Variants in PKHD1 observed in about 807,000 individuals in gnomAD.
PKHD1 encodes fibrocystin.
Under a neutral mutation model 412.0 loss-of-function variants are expected in PKHD1, and 291 were observed. The ratio of observed to expected loss-of-function variants is 0.71; its 90% CI spans 0.64 to 0.78. PKHD1 has a LOEUF of 0.78. PKHD1 is among the 30% of genes least tolerant of loss of function. The pLI is 0.00. For synonymous variants in PKHD1, 1,777 were observed against 1,821.5 expected, an observed-to-expected ratio of 0.98 and a Z score of 0.62; for missense variants, 4,825 against 4,950.7, an observed-to-expected ratio of 0.97 and a Z score of 0.76.
At chr6:51,769,134 T>G (rs1789624693) in intron 55 of PKHD1, among the ~76,000 whole-genome samples, 1 of 151,504 alleles carries the variant, frequency 6.6e-6, no homozygotes, top group South Asian at 2.1e-4. Context: ...TTTCTCAGTT[T>G]TCTTTTTTGA....
At chr6:51,935,030 G>A (rs1320520127) in intron 36 of PKHD1, among the ~76,000 whole-genome samples, 1 of 152,158 alleles carries the variant, frequency 6.6e-6, no homozygotes, top group Non-Finnish European at 1.5e-5. Context: ...ATGCCCACCT[G>A]CCCATCTCCC....
chr6:51,638,444 G>A (rs1768873963), intron 64 of PKHD1, among the ~76,000 whole-genome samples: 1 of 152,038 alleles, frequency 6.6e-6, no homozygotes, highest in African/African-American at 2.4e-5. Flanking sequence ...ATGTTGATGG[G>A]TATTGTCCCC....
At chr6:51,662,399 T>C (rs1448440920) in intron 60 of PKHD1, among the ~76,000 whole-genome samples, 3 of 151,758 alleles carry the variant, frequency 2.0e-5, no homozygotes, top group African/African-American at 7.2e-5. Context: ...GATATATTAG[T>C]TTTCGCAATG....
At chr6:51,747,295 C>T (rs1435285515) in intron 58 of PKHD1, among the ~76,000 whole-genome samples, 2 of 152,196 alleles carry the variant, frequency 1.3e-5, no homozygotes, top group Non-Finnish European at 2.9e-5. Flanking sequence ...CCTCGTTGCT[C>T]AACCATCTAC....
In PKHD1 at chr6:51,937,289, T is replaced by C. The variant is rs578236716; in HGVS notation, c.5909-2967A>G. On this transcript the variant is annotated intron_variant, in intron 36 of 66. Coordinates refer to ENST00000371117, the MANE Select transcript of PKHD1 (RefSeq NM_138694.4). ...CCAATGTACATCTTATATGTATTGA[T>C]TGATGTCTTACCTCTCCCTAAAACA... Among the ~76,000 whole-genome samples, 377 of 152,328 alleles carry C rather than the reference T, an allele frequency of 2.5e-3. 4 individuals carry two copies. Among genetic ancestry groups the C allele is most frequent in the Non-Finnish European group, 2.3e-3 (157 of 68,028 alleles).
intron 24 of PKHD1, among the ~76,000 whole-genome samples, chr6:52,045,631 A>G (rs1805679734): frequency 6.6e-6 from 1 of 152,228 alleles, no homozygotes; most frequent in African/African-American, 2.4e-5. Context: ...CATTACCCAA[A>G]GACAGCAAAT....
rs1160793746 is a variant in PKHD1 at position 51,791,382 on chromosome 6, GA to G, written c.8303-10del. The G allele has an allele frequency of 1.2e-6, 2 of 1,612,954 alleles. No individual in the cohort carries two copies. The highest frequency in any genetic ancestry group is 8.5e-7 in the Non-Finnish European group (1 of 1,179,180). On this transcript the variant is annotated splice_polypyrimidine_tract_variant and intron_variant, in intron 52 of 66. Transcript: ENST00000371117. ...CACAAGGACAGTTCTGTCTGTGGAA[GA>G]AAAAGAAATTGCTCAGATATGTCAC...
At chr6:51,758,040 G>GAGAC (rs1554222883) in intron 55 of PKHD1, among the ~76,000 whole-genome samples, 65 of 150,436 alleles carry the variant, frequency 4.3e-4, no homozygotes, top group Admixed American at 1.4e-3. Context: ...GAGAGAGAGA[G>GAGAC]AGAGAGAGAG....
intron 60 of PKHD1, among the ~76,000 whole-genome samples, chr6:51,665,513 T>C (rs559925446): frequency 2.6e-5 from 4 of 152,272 alleles, no homozygotes; most frequent in African/African-American, 9.6e-5. Flanking sequence ...CAAGCCTATT[T>C]CAGCAAGAAT....
At chr6:51,836,026 G>T (rs1324472371) in intron 51 of PKHD1, among the ~76,000 whole-genome samples, 2 of 152,116 alleles carry the variant, frequency 1.3e-5, no homozygotes, top group Non-Finnish European at 2.9e-5. Context: ...TGTTTACCCT[G>T]ATTTCCTGAA....
chr6:51,793,861 T>C (rs975067679), intron 52 of PKHD1, among the ~76,000 whole-genome samples: 10 of 152,302 alleles, frequency 6.6e-5, no homozygotes, highest in African/African-American at 2.4e-4. Context: ...TAAAACAGAA[T>C]GGTTTCTATT....
intron 64 of PKHD1, 143 bp from the exon 65 acceptor site, chr6:51,632,866 A>G (rs1293395462): frequency 2.5e-5 from 13 of 529,320 alleles, no homozygotes; most frequent in African/African-American, 7.7e-5. Flanking sequence ...TAATAAATAC[A>G]TAAATTATAA....
intron 60 of PKHD1, among the ~76,000 whole-genome samples, chr6:51,693,828 A>C (rs1298322709): frequency 1.3e-5 from 2 of 152,212 alleles, no homozygotes; most frequent in Non-Finnish European, 2.9e-5. Flanking sequence ...GCATTAATTC[A>C]TTTAATCTCC....
intron 60 of PKHD1, among the ~76,000 whole-genome samples, chr6:51,694,548 C>CTT (rs67157925): frequency 0.3 from 11,435 of 37,622 alleles, 4,302 homozygotes; most frequent in Admixed American, 0.42. Flanking sequence ...CACAACCAGC[C>CTT]TTTTTTTTTT....
chr6:51,927,500 T>C (rs370351496), intron 37 of PKHD1, among the ~76,000 whole-genome samples: 1 of 152,182 alleles, frequency 6.6e-6, no homozygotes, highest in African/African-American at 2.4e-5. Context: ...TCCTGAGAGA[T>C]GGGGATGAGC....
chr6:51,944,506 T>C (rs563563291), intron 36 of PKHD1, among the ~76,000 whole-genome samples: 1 of 152,294 alleles, frequency 6.6e-6, no homozygotes, highest in South Asian at 2.1e-4. Context: ...CTCAGATTCA[T>C]GACCCAAGAC....
chr6:51,670,265 C>T (rs1239229517), intron 60 of PKHD1, among the ~76,000 whole-genome samples: 4 of 152,100 alleles, frequency 2.6e-5, no homozygotes, highest in African/African-American at 4.8e-5. Context: ...GGATAGTTAG[C>T]TCTTCTTGTT....
intron 43 of PKHD1, among the ~76,000 whole-genome samples, chr6:51,895,258 C>T (rs1489173066): frequency 2.0e-5 from 3 of 152,172 alleles, no homozygotes; most frequent in Admixed American, 1.3e-4. Flanking sequence ...GTTTGAGACT[C>T]GCCTAGGGAA....
intron 27 of PKHD1, 111 bp downstream of exon 27, chr6:52,042,748 A>G (rs1253226014): frequency 1.5e-5 from 15 of 969,650 alleles, no homozygotes; most frequent in Non-Finnish European, 2.3e-5. Flanking sequence ...TAAACAAAAG[A>G]CAGTGAGTCA....
Sources: allele counts gnomAD v4.1 joint callset (sites outside exome capture counted in the v4.1 genomes callset), GRCh38; gene constraint gnomAD v4.1.1; transcripts MANE v1.5; gene names NCBI Gene and HGNC (gene_info 2026-07-23, HGNC 2026-07-21).